ARID4A: variants seen among roughly 807,000 people sequenced by gnomAD.
The protein encoded by ARID4A is AT-rich interaction domain 4A.
A neutral mutation model predicts 148.6 loss-of-function variants in ARID4A; 39 were observed. The observed-to-expected ratio is 0.26, with a 90% confidence interval of 0.20 to 0.34. The LOEUF is 0.34. ARID4A is among the 10% of genes least tolerant of loss of function. The pLI is 1.00. For missense variants in ARID4A, 1,265 were observed against 1,449.1 expected (o/e 0.87, Z 2.06); for synonymous variants, 475 against 481.2 (o/e 0.99, Z 0.17).
chr14:58,371,916 C>T lies in ARID4A; in HGVS notation c.3701C>T (p.Ala1234Val). The change falls in exon 24 of 24, where the codon GCT (alanine) becomes GTT (valine). Residue 1234 changes from alanine to valine, a missense_variant. Around this residue, in one of 9 missense-constraint regions of ARID4A, gnomAD observed 666 missense variants for 730.9 expected, o/e 0.91. Transcript: ENST00000355431. The part of the protein sequence containing the change: ...VSHAGASMSS[A>V]SSDTGMSPSS... ...CATGCGGGAGCCTCCATGTCATCTG[C>T]TTCATCAGACACTGGAATGAGTCCC... is the stretch of plus-strand genomic sequence containing the variant. 6.2e-7 allele frequency: 1 copy of T among 1,613,398 alleles called. No homozygotes were observed. The highest frequency in any genetic ancestry group is 8.5e-7 in the Non-Finnish European group (1 of 1,179,368).
rs2140269770 is a variant in ARID4A at position 58,364,622 on chromosome 14, G to A, written c.2533G>A (p.Glu845Lys). Residue 845 changes from glutamate (E) to lysine (K), a missense_variant, in exon 20 of 24, where the codon GAA (glutamate) becomes AAA (lysine). Glu to Lys is a moderately conservative substitution (Grantham distance 56). This residue lies in a region of ARID4A where 666 missense variants were observed against 730.9 expected (regional missense o/e 0.91). Transcript: ENST00000355431. ...AAACTTTTCTTCTGCTACAGAAGAT[G>A]AAATTGACCAATGTGTGAAAGAAAA... ...NKNFSSATED[E>K]IDQCVKEKKL... 6.2e-7 allele frequency: 1 copy of A among 1,613,750 alleles called. No homozygotes were observed. Among genetic ancestry groups the A allele is most frequent in the South Asian group, 1.1e-5 (1 of 91,018 alleles).
At chr14:58,368,194 A>T (rs964906283) in intron 23 of ARID4A, among the ~76,000 whole-genome samples, 3 of 152,194 alleles carry the variant, frequency 2.0e-5, no homozygotes, top group Non-Finnish European at 4.4e-5. Context: ...GGATGGAGTG[A>T]AAGTTTGCAT....
rs1284707747 is a variant in ARID4A, at chr14:58,351,433, G to A, written c.1655+110G>A. ...GGAATGTTTTCTTATTGGGACTTCC[G>A]TTCCTCTTGTCTAATGAAGGTGAGA... On this transcript the variant is annotated intron_variant, in intron 16 of 23. Transcript: ENST00000355431. 6 of 1,387,230 alleles carry A rather than the reference G, an allele frequency of 4.3e-6. No individual in the cohort carries two copies. In the African/African-American group the frequency reaches 4.3e-5, roughly 10 times the overall value. The allele number at this position is 1,387,230 out of a possible 1,614,324, so 85.9% of individuals were successfully genotyped here.
At chr14:58,339,866 GA>G (rs1208249901) in intron 11 of ARID4A, among the ~76,000 whole-genome samples, 2 of 152,014 alleles carry the variant, frequency 1.3e-5, no homozygotes, top group African/African-American at 2.4e-5. Context: ...GAGAGAGAGA[GA>G]GAGAGAGCAT....
At position 58,301,638 on chromosome 14, in the gene ARID4A, G is replaced by T. The variant is rs2031179288; in HGVS notation, c.65G>T (p.Gly22Val). The change falls in exon 3 of 24, where the codon GGT becomes GTT. Residue 22 changes from glycine to valine, a missense_variant. Transcript: ENST00000355431. ...VGTDVSAKYRGAFCEAKIKTV... is the reference protein window; with the variant it reads ...VGTDVSAKYRVAFCEAKIKTV... Reference sequence around the variant, plus strand: ...ACCGATGTCAGTGCCAAGTACCGAGGTGCCTTCTGTGAGGCAAAGATTAAG... The same window carrying T: ...ACCGATGTCAGTGCCAAGTACCGAGTTGCCTTCTGTGAGGCAAAGATTAAG... The T allele has an allele frequency of 6.2e-7, 1 of 1,613,960 alleles. No homozygotes were observed. The highest frequency in any genetic ancestry group is 8.5e-7 in the Non-Finnish European group (1 of 1,179,994).
rs369720691 is a variant in ARID4A at position 58,306,162 on chromosome 14, T to G, written c.274+50T>G. On this transcript the variant is annotated intron_variant, in intron 5 of 23. Coordinates refer to ENST00000355431, the MANE Select transcript of ARID4A (RefSeq NM_002892.4). ...AGATTTGATTTGGAGGTTGCATGTA[T>G]CTGTGTTTTGTGGATACACTGAATC... The G allele has an allele frequency of 1.9e-5, 26 of 1,348,466 alleles. No homozygotes were observed. The East Asian group carries it at 6.0e-4, about 31-fold the overall frequency. The allele number at this position is 1,348,466 out of a possible 1,614,324, so 83.5% of individuals were successfully genotyped here.
At chr14:58,343,401 A>G (rs1040923339) in intron 11 of ARID4A, among the ~76,000 whole-genome samples, 1 of 152,206 alleles carries the variant, frequency 6.6e-6, no homozygotes, top group African/African-American at 2.4e-5. Flanking sequence ...TTGATCAACT[A>G]CATGCTTATT....
rs2034446806 is a variant in ARID4A, at chr14:58,347,828, G to A, written c.1354G>A (p.Asp452Asn). Reference sequence around the variant, plus strand: ...GAAGAGTGAACCTGAGGAAAATATCGATTCAAACAGTGAAAGTGAAAGAGA... The same window carrying A: ...GAAGAGTGAACCTGAGGAAAATATCAATTCAAACAGTGAAAGTGAAAGAGA... ...EVKSEPEENI[D>N]SNSESEREEI... Residue 452 changes from aspartate to asparagine, a missense_variant, in exon 15 of 24, where the codon GAT becomes AAT. Asp to Asn is a conservative substitution (Grantham distance 23, BLOSUM62 1). Transcript: ENST00000355431. The A allele has an allele frequency of 3.7e-6, 6 of 1,613,528 alleles. No individual in the cohort carries two copies. The highest frequency in any genetic ancestry group is 2.7e-5 in the African/African-American group (2 of 75,022).
chr14:58,370,201 A>T (rs1363726943), intron 23 of ARID4A: 1 of 152,274 alleles, frequency 6.6e-6, no homozygotes, highest in Non-Finnish European at 1.5e-5. Flanking sequence ...TCAAAAGAAG[A>T]AAAGAACAAA....
chr14:58,346,311 A>G (rs1270870236), intron 12 of ARID4A, 100 bp from the exon 13 acceptor site: 1 of 721,478 alleles, frequency 1.4e-6, no homozygotes, highest in Non-Finnish European at 2.3e-6. Flanking sequence ...TGTGCCTCTA[A>G]TTAATGAAAT....
At position 58,365,224 on chromosome 14, in the gene ARID4A, G is replaced by T; in HGVS notation, c.3135G>T (p.Ser1045=). ...ESQEGLCERE[S]ANGFETNVAS... ...AAGAAGGTCTCTGTGAGAGGGAATC[G>T]GCAAATGGATTTGAAACTAATGTTG... is the stretch of plus-strand genomic sequence containing the variant. Residue 1045 remains serine (S), a synonymous_variant, in exon 20 of 24, where the codon TCG becomes TCT. Coordinates refer to ENST00000355431, the MANE Select transcript of ARID4A (RefSeq NM_002892.4). 1 of 1,613,978 alleles carries T rather than the reference G, an allele frequency of 6.2e-7. No individual in the cohort carries two copies. Among genetic ancestry groups the T allele is most frequent in the South Asian group, 1.1e-5 (1 of 91,052 alleles).
chr14:58,357,331 A>G (rs1318670763), intron 17 of ARID4A, among the ~76,000 whole-genome samples: 3 of 152,232 alleles, frequency 2.0e-5, no homozygotes, highest in Non-Finnish European at 4.4e-5. Context: ...TAATGGCATC[A>G]TAAGTAAAGG....
chr14:58,307,507 A>C (rs915257069), intron 5 of ARID4A, among the ~76,000 whole-genome samples: 1 of 152,230 alleles, frequency 6.6e-6, no homozygotes, highest in Admixed American at 6.5e-5. Context: ...AGTTGTGGCT[A>C]CTGATAGTTG....
chr14:58,329,820 C>T (rs1418272225), intron 10 of ARID4A, among the ~76,000 whole-genome samples, 183 bp from the exon 11 acceptor site: 13 of 151,702 alleles, frequency 8.6e-5, no homozygotes, highest in African/African-American at 1.9e-4. Flanking sequence ...CACAGTATTC[C>T]GTAAAGTAAT....
chr14:58,310,925 G>A (rs1211870763), intron 5 of ARID4A, among the ~76,000 whole-genome samples: 1 of 151,822 alleles, frequency 6.6e-6, no homozygotes, highest in Non-Finnish European at 1.5e-5. Context: ...TAAACAACTC[G>A]ATAGCAAGAA....
At chr14:58,329,682 C>T in intron 10 of ARID4A, 78 bp downstream of exon 10, 1 of 1,222,458 alleles carries the variant, frequency 8.2e-7, no homozygotes, top group Non-Finnish European at 1.2e-6. Flanking sequence ...AAGACTGATA[C>T]TCTCTGGTAC....
intron 11 of ARID4A, among the ~76,000 whole-genome samples, chr14:58,337,268 A>ATATATATATATATAT (rs1422819457): frequency 4.3e-4 from 58 of 133,730 alleles, no homozygotes; most frequent in Non-Finnish European, 5.2e-4. Context: ...ATATATATAT[A>ATATATATATATATAT]ATTAAAACCG....
intron 11 of ARID4A, among the ~76,000 whole-genome samples, chr14:58,342,408 A>T (rs971033219): frequency 6.6e-6 from 1 of 152,004 alleles, no homozygotes; most frequent in Non-Finnish European, 1.5e-5. Context: ...ACTAACTTTT[A>T]AAAAAAATAC....
intron 23 of ARID4A, among the ~76,000 whole-genome samples, chr14:58,368,039 C>T (rs1304860718): frequency 6.6e-6 from 1 of 152,094 alleles, no homozygotes; most frequent in Non-Finnish European, 1.5e-5. Context: ...ATCTCTTCTT[C>T]CCATCTGTGA....
Sources: allele counts gnomAD v4.1 joint callset (sites outside exome capture counted in the v4.1 genomes callset), GRCh38; gene constraint gnomAD v4.1.1; regional missense constraint gnomAD v4.1.1; transcripts MANE v1.5; gene names NCBI Gene and HGNC (gene_info 2026-07-23, HGNC 2026-07-21).